Variants in FOXN1 observed in about 807,000 individuals in gnomAD.
The protein encoded by FOXN1 is forkhead box protein N1.
In FOXN1, 15 loss-of-function variants were observed where a neutral mutation model predicts 49.0. The ratio of observed to expected loss-of-function variants is 0.31; its 90% CI spans 0.20 to 0.47. FOXN1 has a LOEUF of 0.47. FOXN1 is among the 20% of genes least tolerant of loss of function. The probability of loss-of-function intolerance (pLI) is 1.00; values close to 1 mark genes in which losing one functional copy is unlikely to be tolerated. For synonymous variants in FOXN1, 356 were observed against 369.0 expected (o/e 0.96, Z 0.40); for missense variants, 800 against 842.8 (o/e 0.95, Z 0.63).
chr17:28,520,082 C>T (rs2069609441), intron 1 of FOXN1, among the ~76,000 whole-genome samples: 1 of 152,194 alleles, frequency 6.6e-6, no homozygotes, highest in African/African-American at 2.4e-5. Context: ...TTTATTAGTC[C>T]TATTTTACAG....
At chr17:28,527,731 G>A (rs1032433821) in intron 4 of FOXN1, among the ~76,000 whole-genome samples, 2 of 152,182 alleles carry the variant, frequency 1.3e-5, no homozygotes, top group African/African-American at 2.4e-5. Flanking sequence ...CGAGCAGGTC[G>A]AGGAACAAGG....
At chr17:28,514,894 A>C (rs115937156) in intron 1 of FOXN1, among the ~76,000 whole-genome samples, 2,749 of 152,048 alleles carry the variant, frequency 0.018, 84 homozygotes, top group African/African-American at 0.063. Context: ...GCCCCCACCC[A>C]CCTTTCAGGC....
rs756136088 is a variant in FOXN1, at chr17:28,524,757, C to T, written c.378C>T (p.Tyr126=). The T allele has an allele frequency of 2.5e-6, 4 of 1,613,394 alleles. No homozygotes were observed. Among genetic ancestry groups the T allele is most frequent in the Non-Finnish European group, 3.4e-6 (4 of 1,179,794 alleles). Residue 126 remains tyrosine (Y), a synonymous_variant, in exon 3 of 9, where the codon TAC becomes TAT. Transcript: ENST00000579795. ...GCAGCCACGCGCCCTTCCACCCGTACAAGCGGCCTTTCCATGAGGACGTCT... is the reference window on the plus strand; with the variant it reads ...GCAGCCACGCGCCCTTCCACCCGTATAAGCGGCCTTTCCATGAGGACGTCT... ...LKGSHAPFHP[Y]KRPFHEDVFP...
Position 28,537,840 on chromosome 17 carries a change from T to G in FOXN1, c.*404T>G. 3.1e-6 allele frequency: 1 copy of G among 319,136 alleles called. No individual in the cohort carries two copies. 19.8% of individuals were successfully genotyped at this position (319,136 alleles called of 1,614,324 possible). ...AGCCCGACTTCGTTTCTGGGGCAACTGAGAGCTGAGCGCTTTGCTTACCAA... is the reference window on the plus strand; with the variant it reads ...AGCCCGACTTCGTTTCTGGGGCAACGGAGAGCTGAGCGCTTTGCTTACCAA... On this transcript the variant is annotated 3_prime_UTR_variant, in exon 9 of 9. Coordinates refer to ENST00000579795, the MANE Select transcript of FOXN1 (RefSeq NM_001369369.1).
chr17:28,538,644 C>A lies in FOXN1; in HGVS notation c.*1208C>A, dbSNP rs1481036821. On this transcript the variant is annotated 3_prime_UTR_variant, in exon 9 of 9. Coordinates refer to ENST00000579795, the MANE Select transcript of FOXN1 (RefSeq NM_001369369.1). ...GACAGGGAAGCACCCATGCAAAGCA[C>A]CCCCGCTTTGACTGCTTGGCAGACC... 6.6e-6 allele frequency: 1 copy of A among 152,180 alleles called. No homozygotes were observed. The highest frequency in any genetic ancestry group is 1.5e-5 in the Non-Finnish European group (1 of 68,050). 9.4% of individuals were successfully genotyped at this position (152,180 alleles called of 1,614,324 possible).
At chr17:28,520,194 C>T (rs898665124) in intron 1 of FOXN1, among the ~76,000 whole-genome samples, 3 of 152,190 alleles carry the variant, frequency 2.0e-5, no homozygotes, top group African/African-American at 4.8e-5. Context: ...GGTCGTCCAG[C>T]TTCAGGGGTT....
Position 28,524,596 on chromosome 17 carries a change from C to T in FOXN1, c.217C>T (p.Pro73Ser), listed in dbSNP as rs1424357269. The stretch of plus-strand genomic sequence containing the variant: ...CCCACACAGCCCCCGCATTGCGTCA[C>T]CAGGGCCCGAGCAAGTCCAGGGCCA... ...LPPHSPRIAS[P>S]GPEQVQGHCP... The change falls in exon 3 of 9, where the codon CCA (proline) becomes TCA (serine). Residue 73 changes from proline (P) to serine (S), a missense_variant. Coordinates refer to ENST00000579795, the MANE Select transcript of FOXN1 (RefSeq NM_001369369.1). 2 of 1,613,608 alleles carry T rather than the reference C, an allele frequency of 1.2e-6. No homozygotes were observed. The highest frequency in any genetic ancestry group is 3.3e-5 in the Admixed American group (2 of 60,032).
chr17:28,517,655 C>T (rs113488793), intron 1 of FOXN1, among the ~76,000 whole-genome samples: 174 of 16,516 alleles, frequency 0.011, 3 homozygotes, highest in African/African-American at 0.015. Flanking sequence ...CAGACCTCCA[C>T]AGGGTACACA....
chr17:28,523,906 T>TC, intron 1 of FOXN1, 50 bp from the exon 2 acceptor site: 4 of 1,606,786 alleles, frequency 2.5e-6, no homozygotes, highest in South Asian at 1.1e-5. Flanking sequence ...CCTGGGTTGG[T>TC]CCCCACTGGA....
chr17:28,530,932 G>A, intron 6 of FOXN1, 87 bp downstream of exon 6: 1 of 817,892 alleles, frequency 1.2e-6, no homozygotes, highest in Non-Finnish European at 2.2e-6. Flanking sequence ...TCTGGAGGTG[G>A]GAGAAGAATT....
At chr17:28,531,239 C>A (rs150660425) in intron 6 of FOXN1, among the ~76,000 whole-genome samples, 1 of 152,310 alleles carries the variant, frequency 6.6e-6, no homozygotes, top group East Asian at 1.9e-4. Flanking sequence ...AGCTAGTCAG[C>A]CACGGTGACT....
chr17:28,526,190 T>C (rs1182283235), intron 3 of FOXN1, among the ~76,000 whole-genome samples: 1 of 152,232 alleles, frequency 6.6e-6, no homozygotes, highest in Non-Finnish European at 1.5e-5. Flanking sequence ...GTCGACTTGC[T>C]GGGTGACCTT....
At chr17:28,533,069 C>G (rs951828226) in intron 6 of FOXN1, among the ~76,000 whole-genome samples, 2 of 152,198 alleles carry the variant, frequency 1.3e-5, no homozygotes, top group Non-Finnish European at 2.9e-5. Flanking sequence ...CCAAGAAAGG[C>G]TGCACCAGGT....
At chr17:28,508,209 G>C (rs1170723698) in intron 1 of FOXN1, among the ~76,000 whole-genome samples, 2 of 152,222 alleles carry the variant, frequency 1.3e-5, no homozygotes, top group Admixed American at 6.5e-5. Context: ...TTCTGGACCA[G>C]TGGGTCCTGG....
intron 1 of FOXN1, among the ~76,000 whole-genome samples, chr17:28,519,794 C>T (rs994901126): frequency 5.9e-5 from 9 of 151,904 alleles, no homozygotes; most frequent in African/African-American, 1.2e-4. Flanking sequence ...ATGGGAAAGG[C>T]GGAAATGACC....
chr17:28,535,422 G>T (rs2070038519), intron 8 of FOXN1, among the ~76,000 whole-genome samples: 1 of 152,142 alleles, frequency 6.6e-6, no homozygotes, highest in African/African-American at 2.4e-5. Context: ...CCCTCCTCCT[G>T]GTGCTCCAAA....
intron 1 of FOXN1, among the ~76,000 whole-genome samples, chr17:28,508,598 AC>A (rs1555606486): frequency 6.6e-6 from 1 of 151,808 alleles, no homozygotes; most frequent in Non-Finnish European, 1.5e-5. Context: ...GACCAGCAGA[AC>A]CCCCATTGCC....
chr17:28,536,470 G>A (rs2151501011), intron 8 of FOXN1, among the ~76,000 whole-genome samples: 1 of 152,282 alleles, frequency 6.6e-6, no homozygotes, highest in East Asian at 1.9e-4. Flanking sequence ...GCTAGAAAGA[G>A]GGAGAGTTGG....
intron 1 of FOXN1, among the ~76,000 whole-genome samples, chr17:28,507,822 G>C (rs1425849892): frequency 6.6e-6 from 1 of 152,204 alleles, no homozygotes; most frequent in Non-Finnish European, 1.5e-5. Context: ...CCGAGTGGAT[G>C]GGGGAAGGGG....
Sources: gnomAD v4.1 joint callset for allele counts (sites outside exome capture counted in the v4.1 genomes callset) on GRCh38, gnomAD v4.1.1 for gene constraint, MANE v1.5 for transcripts, NCBI Gene and HGNC (gene_info 2026-07-23, HGNC 2026-07-21) for gene names.